DHRSX: variants seen among roughly 807,000 people sequenced by gnomAD.
DHRSX encodes the protein dehydrogenase/reductase X-linked.
DHRSX carries 31 observed loss-of-function variants against 34.0 expected under a neutral mutation model. The ratio of observed to expected loss-of-function variants is 0.91; its 90% CI spans 0.69 to 1.23. The LOEUF (loss-of-function observed/expected upper bound fraction) is 1.23. DHRSX is among the 50% of genes most tolerant of loss of function. The pLI is 0.00. For missense variants in DHRSX, 414 were observed against 428.1 expected, an observed-to-expected ratio of 0.97 and a Z score of 0.29; for synonymous variants, 201 against 183.8, an observed-to-expected ratio of 1.09 and a Z score of -0.76.
intron 1 of DHRSX, among the ~76,000 whole-genome samples, chrX:2,431,849 T>C (rs1321453657): frequency 1.3e-5 from 2 of 152,006 alleles, no homozygotes; most frequent in African/African-American, 4.8e-5. Context: ...AACCTCAACA[T>C]CACACAATAT....
chrX:2,287,772 A>T (rs2041821864), intron 4 of DHRSX, among the ~76,000 whole-genome samples: 1 of 152,176 alleles, frequency 6.6e-6, no homozygotes, highest in African/African-American at 2.4e-5. Flanking sequence ...TGTGGGAAAC[A>T]GAATAATGGC....
chrX:2,321,856 C>G (rs2042316054), intron 3 of DHRSX, among the ~76,000 whole-genome samples: 1 of 152,232 alleles, frequency 6.6e-6, no homozygotes, highest in African/African-American at 2.4e-5. Context: ...TCTTAGGCTA[C>G]TCAAGGTGAA....
rs772002049 is a variant in DHRSX at position 2,304,082 on chromosome X, T to C, written c.287-12479A>G. Among the ~76,000 whole-genome samples the C allele has an allele frequency of 3.4e-3, 493 of 144,406 alleles. 5 individuals carry two copies. The highest frequency in any genetic ancestry group is 0.012 in the African/African-American group (474 of 38,418). 94.7% of individuals were successfully genotyped at this position (144,406 alleles called of 152,430 possible). A position where few individuals can be genotyped will look rare whatever the true frequency, so the allele number is the denominator to read the frequency against. On this transcript the variant is annotated intron_variant, in intron 3 of 6. Transcript: ENST00000334651. ...ATGGATGGGTGGATGGATGGATGGGTGGGTGGGTGGATTGATGGATGGATA... is the reference window on the plus strand; with the variant it reads ...ATGGATGGGTGGATGGATGGATGGGCGGGTGGGTGGATTGATGGATGGATA...
intron 3 of DHRSX, among the ~76,000 whole-genome samples, chrX:2,338,387 G>A (rs2124559538): frequency 6.6e-6 from 1 of 151,598 alleles, no homozygotes; most frequent in Non-Finnish European, 1.5e-5. Context: ...CATTCTACAA[G>A]CAGGAGACCC....
chrX:2,386,692 TAGTTG>T (rs1159990905), intron 3 of DHRSX, among the ~76,000 whole-genome samples: 6 of 152,224 alleles, frequency 3.9e-5, no homozygotes, highest in Non-Finnish European at 5.9e-5. Context: ...TCAAATATGT[TAGTTG>T]AGTTAAGAAT....
chrX:2,493,306 T>C (rs2045204207), intron 1 of DHRSX, among the ~76,000 whole-genome samples: 1 of 152,102 alleles, frequency 6.6e-6, no homozygotes, highest in Non-Finnish European at 1.5e-5. Context: ...CACAGCTGTA[T>C]CAGATCCTCC....
intron 6 of DHRSX, among the ~76,000 whole-genome samples, chrX:2,240,607 A>G (rs896841335): frequency 2.6e-5 from 4 of 151,964 alleles, no homozygotes; most frequent in African/African-American, 9.7e-5. Context: ...AACTTCAACA[A>G]GCAGTAGACG....
intron 3 of DHRSX, among the ~76,000 whole-genome samples, chrX:2,357,700 TA>T (rs781233833): frequency 0.071 from 8,871 of 125,124 alleles, 719 homozygotes; most frequent in African/African-American, 0.23. Flanking sequence ...CTCAGGAAAT[TA>T]AAAAAAAAAA....
At position 2,476,239 on chromosome X, in the gene DHRSX, C is replaced by A. The variant is rs1444949043; in HGVS notation, c.109+24578G>T. 2.4e-4 allele frequency among the ~76,000 whole-genome samples: 36 copies of A among 147,688 alleles called. 1 individual carries two copies. The highest frequency in any genetic ancestry group is 1.6e-3 in the East Asian group (8 of 5,122). ...CCTGTCTCTACTAAAAACACACACACAAAAAAAAATTAGCCAGGCATGGTG... is the reference window on the plus strand; with the variant it reads ...CCTGTCTCTACTAAAAACACACACAAAAAAAAAAATTAGCCAGGCATGGTG... On this transcript the variant is annotated intron_variant, in intron 1 of 6. Transcript: ENST00000334651.
At chrX:2,479,554 A>G (rs1425390098) in intron 1 of DHRSX, among the ~76,000 whole-genome samples, 1 of 149,964 alleles carries the variant, frequency 6.7e-6, no homozygotes, top group Non-Finnish European at 1.5e-5. Flanking sequence ...GTGCACACTG[A>G]AGACATTCCC....
chrX:2,401,512 G>A (rs376894734), intron 3 of DHRSX, among the ~76,000 whole-genome samples: 15 of 152,184 alleles, frequency 9.9e-5, no homozygotes, highest in Admixed American at 5.9e-4. Flanking sequence ...TACACAGCAC[G>A]TGTCTAGTCT....
chrX:2,231,741 C>T (rs1338092701), intron 6 of DHRSX, among the ~76,000 whole-genome samples: 5 of 150,300 alleles, frequency 3.3e-5, no homozygotes, highest in Non-Finnish European at 5.9e-5. Flanking sequence ...TCTCTTCTTC[C>T]TCCTCCACCT....
At chrX:2,238,620 T>C (rs1357554838) in intron 6 of DHRSX, among the ~76,000 whole-genome samples, 1 of 151,688 alleles carries the variant, frequency 6.6e-6, no homozygotes, top group Non-Finnish European at 1.5e-5. Context: ...TTTCACTCTT[T>C]TCACCCAGGC....
intron 5 of DHRSX, among the ~76,000 whole-genome samples, chrX:2,263,862 C>T (rs148433789): frequency 1.3e-5 from 2 of 152,162 alleles, no homozygotes; most frequent in Non-Finnish European, 2.9e-5. Context: ...ATTATTCCCA[C>T]AGAGGAATCG....
rs191293429 is a variant in DHRSX at position 2,452,127 on chromosome X, G to A, written c.110-26823C>T. The stretch of plus-strand genomic sequence containing the variant: ...AGACGTTCACTAAGCATACGGCCAA[G>A]GGACTGCCGCCGTGTACACACTGAA... On this transcript the variant is annotated intron_variant, in intron 1 of 6. Coordinates refer to ENST00000334651, the MANE Select transcript of DHRSX (RefSeq NM_145177.3). 6.7e-3 allele frequency among the ~76,000 whole-genome samples: 1,022 copies of A among 152,172 alleles called. 34 individuals carry two copies. Among genetic ancestry groups the A allele is most frequent in the Non-Finnish European group, 5.2e-3 (352 of 68,000 alleles).
intron 3 of DHRSX, among the ~76,000 whole-genome samples, chrX:2,358,046 G>A (rs147107788): frequency 1.3e-5 from 2 of 152,272 alleles, no homozygotes; most frequent in South Asian, 4.1e-4. Context: ...AGCATGTGGT[G>A]GATGGCTAGG....
intron 5 of DHRSX, among the ~76,000 whole-genome samples, chrX:2,246,148 A>T (rs2016276387): frequency 6.6e-6 from 1 of 152,086 alleles, no homozygotes; most frequent in South Asian, 2.1e-4. Context: ...GCCATCTCAG[A>T]TATAGTTTGA....
intron 1 of DHRSX, among the ~76,000 whole-genome samples, chrX:2,481,395 G>T (rs183237271): frequency 6.6e-6 from 1 of 152,276 alleles, no homozygotes; most frequent in East Asian, 1.9e-4. Flanking sequence ...GCTGGTCGCG[G>T]TGGCTCACGC....
At chrX:2,223,051 C>G (rs914968100) in intron 6 of DHRSX, among the ~76,000 whole-genome samples, 1 of 152,114 alleles carries the variant, frequency 6.6e-6, no homozygotes, top group Non-Finnish European at 1.5e-5. Context: ...TGGAAATCAC[C>G]TAGGGGTGCC....
Sources: gnomAD v4.1 joint callset for allele counts (sites outside exome capture counted in the v4.1 genomes callset) on GRCh38, gnomAD v4.1.1 for gene constraint, MANE v1.5 for transcripts, NCBI Gene and HGNC (gene_info 2026-07-23, HGNC 2026-07-21) for gene names.